The following TLN2 variants were observed in gnomAD, a reference collection of about 807,000 sequenced individuals.
TLN2 encodes talin-2.
TLN2 carries 118 observed loss-of-function variants against 294.7 expected under a neutral mutation model. The ratio of observed to expected loss-of-function variants is 0.40; its 90% confidence interval spans 0.34 to 0.47. The LOEUF is 0.47. Among genes scored for constraint, TLN2 ranks in the 20% least tolerant of loss-of-function variants. TLN2 has a pLI of 0.84. For synonymous variants in TLN2, 1,431 were observed against 1,304.5 expected, an observed-to-expected ratio of 1.10 and a Z score of -2.09; for missense variants, 3,083 against 3,282.2, an observed-to-expected ratio of 0.94 and a Z score of 1.48.
intron 1 of TLN2, among the ~76,000 whole-genome samples, chr15:62,516,266 A>G (rs573134919): frequency 4.6e-5 from 7 of 152,360 alleles, no homozygotes; most frequent in African/African-American, 1.7e-4. Context: ...AGTTTTTGGC[A>G]ATAAGAGCTT....
At chr15:62,667,111 G>A (rs182830524) in intron 9 of TLN2, among the ~76,000 whole-genome samples, 62 of 152,216 alleles carry the variant, frequency 4.1e-4, no homozygotes, top group Non-Finnish European at 3.8e-4. Context: ...GACTACAGGC[G>A]CCCACCACCA....
intron 1 of TLN2, among the ~76,000 whole-genome samples, chr15:62,582,838 G>A (rs560677983): frequency 8.5e-5 from 13 of 152,296 alleles, no homozygotes; most frequent in African/African-American, 2.9e-4. Flanking sequence ...GGCTGCCACG[G>A]TAGATCAGAG....
intron 8 of TLN2, among the ~76,000 whole-genome samples, chr15:62,657,204 A>T (rs776009782): frequency 9.5e-4 from 144 of 151,248 alleles, no homozygotes; most frequent in Non-Finnish European, 1.9e-3. Context: ...GAGGAGGAGG[A>T]GTTCAGACAC....
At chr15:62,672,406 A>G (rs925161548) in intron 9 of TLN2, among the ~76,000 whole-genome samples, 1 of 152,160 alleles carries the variant, frequency 6.6e-6, no homozygotes, top group Non-Finnish European at 1.5e-5. Context: ...AAATTGCCCC[A>G]TCACATGGTA....
At chr15:62,461,537 A>T (rs2036806117) in intron 1 of TLN2, among the ~76,000 whole-genome samples, 1 of 152,152 alleles carries the variant, frequency 6.6e-6, no homozygotes, top group Non-Finnish European at 1.5e-5. Context: ...TAGTATTTAG[A>T]TGTGTTTGCT....
At chr15:62,562,906 TCACACA>T (rs61578830) in intron 1 of TLN2, among the ~76,000 whole-genome samples, 8,137 of 98,944 alleles carry the variant, frequency 0.082, 347 homozygotes, top group Middle Eastern at 0.13. Flanking sequence ...TAGTATTCCA[TCACACA>T]CACACACACA....
chr15:62,552,736 G>T (rs2042392033), intron 1 of TLN2, among the ~76,000 whole-genome samples: 2 of 152,182 alleles, frequency 1.3e-5, no homozygotes, highest in Admixed American at 1.3e-4. Flanking sequence ...TTAGTGAATT[G>T]ACAATATATT....
chr15:62,429,558 G>A (rs2034901655), intron 1 of TLN2, among the ~76,000 whole-genome samples: 1 of 152,094 alleles, frequency 6.6e-6, no homozygotes, highest in Non-Finnish European at 1.5e-5. Flanking sequence ...TCTGGCCGAT[G>A]TATTTAATTG....
In TLN2 at chr15:62,809,954, C is replaced by T. The variant is rs150114385; in HGVS notation, c.6693C>T (p.Asp2231=). 3.3e-3 allele frequency: 5,350 copies of T among 1,614,090 alleles called. 15 individuals are homozygous for T. The highest frequency in any genetic ancestry group is 8.7e-3 in the Middle Eastern group (53 of 6,062). The change falls in exon 52 of 59, where the codon GAC becomes GAT. Residue 2231 remains aspartate, a synonymous_variant. Transcript: ENST00000636159. ...KQASFHPDVS[D]EVRTRALRFG... The stretch of plus-strand genomic sequence containing the variant: ...CATCCTTCCACCCCGATGTCAGTGA[C>T]GAGGTGAGAACCAGAGCCTTGCGTT...
chr15:62,760,865 A>G (rs557010680), intron 37 of TLN2, among the ~76,000 whole-genome samples: 3 of 152,264 alleles, frequency 2.0e-5, no homozygotes, highest in African/African-American at 7.2e-5. Context: ...TTTAGAGTTC[A>G]GTGAATTTTC....
chr15:62,446,033 G>A (rs556976856), intron 1 of TLN2, among the ~76,000 whole-genome samples: 1 of 151,290 alleles, frequency 6.6e-6, no homozygotes, highest in African/African-American at 2.4e-5. Flanking sequence ...TTTTGAGACA[G>A]AGTCTCACTG....
chr15:62,770,898 G>C, intron 41 of TLN2, 66 bp from the exon 42 acceptor site: 2 of 1,538,634 alleles, frequency 1.3e-6, no homozygotes, highest in Non-Finnish European at 1.7e-6. Context: ...CCTGACTGTG[G>C]AGCCCCTGAA....
chr15:62,437,539 A>T (rs2035344450), intron 1 of TLN2, among the ~76,000 whole-genome samples: 2 of 152,036 alleles, frequency 1.3e-5, no homozygotes. Flanking sequence ...CACCTGGCTG[A>T]AAGGTGCTAT....
chr15:62,527,028 G>T (rs1425198793), intron 1 of TLN2, among the ~76,000 whole-genome samples: 2 of 152,154 alleles, frequency 1.3e-5, no homozygotes, highest in African/African-American at 2.4e-5. Flanking sequence ...GGCACGTGTT[G>T]TACCAAAGAG....
intron 1 of TLN2, among the ~76,000 whole-genome samples, chr15:62,504,815 TG>T (rs1481739526): frequency 8.8e-6 from 1 of 114,124 alleles, no homozygotes; most frequent in Non-Finnish European, 1.8e-5. Context: ...AAGTAGTTGG[TG>T]GGGTGTGTGT....
intron 37 of TLN2, among the ~76,000 whole-genome samples, chr15:62,757,355 T>C (rs750104422): frequency 2.6e-5 from 4 of 151,988 alleles, no homozygotes; most frequent in Non-Finnish European, 5.9e-5. Context: ...TTTGGGGAGG[T>C]AAGGGTGGAA....
At chr15:62,538,668 G>A (rs1436218588) in intron 1 of TLN2, among the ~76,000 whole-genome samples, 1 of 152,076 alleles carries the variant, frequency 6.6e-6, no homozygotes, top group African/African-American at 2.4e-5. Context: ...GTTTCTAGGA[G>A]GCAAAAAGAA....
chr15:62,691,434 A>G (rs934974187), intron 12 of TLN2, among the ~76,000 whole-genome samples: 1 of 151,484 alleles, frequency 6.6e-6, no homozygotes, highest in Non-Finnish European at 1.5e-5. Context: ...TGTAATTTCC[A>G]TTTGGTTCTT....
At chr15:62,745,968 T>C (rs373411538) in intron 32 of TLN2, among the ~76,000 whole-genome samples, 10 of 152,234 alleles carry the variant, frequency 6.6e-5, no homozygotes, top group African/African-American at 2.2e-4. Flanking sequence ...TTTTGTGGAT[T>C]ACCCAACCAC....
Sources: gnomAD v4.1 joint callset for allele counts (sites outside exome capture counted in the v4.1 genomes callset) on GRCh38, gnomAD v4.1.1 for gene constraint, MANE v1.5 for transcripts, NCBI Gene and HGNC (gene_info 2026-07-23, HGNC 2026-07-21) for gene names.